SLC38A10: variants seen among roughly 807,000 people sequenced by gnomAD.
The protein encoded by SLC38A10 is solute carrier family 38 member 10.
In SLC38A10, 53 loss-of-function variants were observed where a neutral mutation model predicts 81.0. The ratio of observed to expected loss-of-function variants is 0.65; its 90% confidence interval spans 0.53 to 0.82. SLC38A10 has a LOEUF of 0.82. Ranked by LOEUF, SLC38A10 falls within the 40% of genes least tolerant of loss-of-function variation. The pLI is 0.00. For synonymous variants in SLC38A10, 665 were observed against 655.3 expected (o/e 1.01, Z -0.23); for missense variants, 1,471 against 1,545.0 (o/e 0.95, Z 0.80).
At position 81,256,370 on chromosome 17, in the gene SLC38A10, CGGAGGCCAGCACGGACGGGCGG is replaced by C. The variant is rs2062972676; in HGVS notation, c.1289-3152_1289-3131del. Among the ~76,000 whole-genome samples the C allele has an allele frequency of 1.3e-5, 2 of 152,198 alleles. 1 individual carries two copies. Among genetic ancestry groups the C allele is most frequent in the South Asian group, 4.1e-4 (2 of 4,830 alleles). Reference sequence around the variant, plus strand: ...TTCAAGGCTGGCGTCCACCCCAGACCGGAGGCCAGCACGGACGGGCGGGGAGGCCAGCGACGCTGCCGTCCGG... The same window carrying C: ...TTCAAGGCTGGCGTCCACCCCAGACCGGAGGCCAGCGACGCTGCCGTCCGG... On this transcript the variant is annotated intron_variant, in intron 11 of 15. Transcript: ENST00000374759.
chr17:81,286,785 G>A lies in SLC38A10; in HGVS notation c.218-1890C>T, dbSNP rs773367778. Among the ~76,000 whole-genome samples, 22 of 152,144 alleles carry A rather than the reference G, an allele frequency of 1.4e-4. No individual in the cohort carries two copies. The highest frequency in any genetic ancestry group is 1.3e-4 in the Admixed American group (2 of 15,266). ...AGCCTGGACCACCCAACGAAAGGAC[G>A]CGGGCAGCACTCCTGACACCGCTGC... On this transcript the variant is annotated intron_variant, in intron 2 of 15. Transcript: ENST00000374759. This position sits in a 1 kb window ranked among gnomAD's most constrained non-coding sequence, Gnocchi z 6.0.
intron 14 of SLC38A10, chr17:81,250,790 G>A (rs998547492): frequency 1.6e-5 from 16 of 981,322 alleles, no homozygotes; most frequent in Non-Finnish European, 1.8e-5. Context: ...GCTCACAGAC[G>A]GGGCTGCTGC....
rs1296447790 is a variant in SLC38A10 at position 81,247,079 on chromosome 17, ACAGT to A, written c.2066-22_2066-19del. 41 of 1,567,642 alleles carry A rather than the reference ACAGT, an allele frequency of 2.6e-5. No individual in the cohort carries two copies. Among genetic ancestry groups the A allele is most frequent in the Middle Eastern group, 1.8e-4 (1 of 5,538 alleles). On this transcript the variant is annotated intron_variant, in intron 14 of 15. Transcript: ENST00000374759. ...GCCAGCTTCTGGGTTTGGAAAGCAC[ACAGT>A]CAGAGTGCCCGGGCTGCTCATGCAC...
At chr17:81,262,624 T>C (rs990761125) in intron 10 of SLC38A10, among the ~76,000 whole-genome samples, 1 of 152,204 alleles carries the variant, frequency 6.6e-6, no homozygotes, top group Admixed American at 6.5e-5. Flanking sequence ...TACGGGATCT[T>C]GGTGAGAGTA....
rs547027433 is a variant in SLC38A10, at chr17:81,267,494, T to C, written c.1131+3424A>G. ...TTCCTTCCTTCCTCCCTCCCTCCCT[T>C]CTTTCTTTCCTTCTTTCTCCTGCTA... On this transcript the variant is annotated intron_variant, in intron 10 of 15. Transcript: ENST00000374759. Among the ~76,000 whole-genome samples the C allele has an allele frequency of 4.9e-4, 74 of 152,158 alleles. No homozygotes were observed. The South Asian group carries it at 0.014, about 29-fold the overall frequency.
At chr17:81,260,135 G>GGCC in intron 11 of SLC38A10, 103 bp downstream of exon 11, 3 of 1,412,644 alleles carry the variant, frequency 2.1e-6, no homozygotes, top group Non-Finnish European at 2.9e-6. Context: ...ACCCACACAG[G>GGCC]ACAGAGGCCA....
Position 81,289,620 on chromosome 17 carries a change from T to G in SLC38A10, c.217+71A>C. The G allele has an allele frequency of 1.0e-6, 1 of 1,002,808 alleles. No homozygotes were observed. Among genetic ancestry groups the G allele is most frequent in the Non-Finnish European group, 1.4e-6 (1 of 713,988 alleles). The allele number at this position is 1,002,808 out of a possible 1,614,324, so 62.1% of individuals were successfully genotyped here. On this transcript the variant is annotated intron_variant, in intron 2 of 15. Coordinates refer to ENST00000374759, the MANE Select transcript of SLC38A10 (RefSeq NM_001037984.3). This position sits in a 1 kb window ranked among gnomAD's most constrained non-coding sequence, Gnocchi z 5.9. ...TTCTTGAAGAATCAAGTAGAGTAAA[T>G]AAATAAATAAATAAATGGAATAAGG... is the stretch of plus-strand genomic sequence containing the variant.
At chr17:81,249,055 A>T (rs2062879755) in intron 14 of SLC38A10, among the ~76,000 whole-genome samples, 1 of 151,980 alleles carries the variant, frequency 6.6e-6, no homozygotes, top group Non-Finnish European at 1.5e-5. Context: ...TGGTACAAGG[A>T]CGAGATCCCA....
chr17:81,272,969 G>C (rs1488353503), intron 8 of SLC38A10, among the ~76,000 whole-genome samples: 2 of 152,174 alleles, frequency 1.3e-5, no homozygotes, highest in Non-Finnish European at 2.9e-5. Context: ...AGGAAGTATG[G>C]AGAGCAAAAC....
chr17:81,257,051 C>A (rs909205422), intron 11 of SLC38A10, among the ~76,000 whole-genome samples: 2 of 152,232 alleles, frequency 1.3e-5, no homozygotes, highest in African/African-American at 4.8e-5. Context: ...GGGCCACATG[C>A]TTCTCCCTTC....
Position 81,245,413 on chromosome 17 carries a change from C to T in SLC38A10, c.*143G>A, listed in dbSNP as rs564330465. 2.1e-5 allele frequency: 22 copies of T among 1,025,912 alleles called. No homozygotes were observed. The highest frequency in any genetic ancestry group is 3.1e-5 in the Non-Finnish European group (22 of 710,038). The allele number at this position is 1,025,912 out of a possible 1,614,324, so 63.6% of individuals were successfully genotyped here. ...CCACAGTGAATCTTTTATACTGTCA[C>T]TCACACTTGGTGAGGGCCTCAGACA... On this transcript the variant is annotated 3_prime_UTR_variant, in exon 16 of 16. Transcript: ENST00000374759.
In SLC38A10 at chr17:81,294,801, T is replaced by C. The variant is rs763526721; in HGVS notation, c.99+22A>G. 2.6e-6 allele frequency: 4 copies of C among 1,563,416 alleles called. No homozygotes were observed. The Admixed American group carries it at 7.4e-5, about 29-fold the overall frequency. ...TCTGCGGGGGAGGCGAGGGCGGTGA[T>C]CTCCGGGCCCACCGGACTCACCTGT... is the stretch of plus-strand genomic sequence containing the variant. On this transcript the variant is annotated intron_variant, in intron 1 of 15. Coordinates refer to ENST00000374759, the MANE Select transcript of SLC38A10 (RefSeq NM_001037984.3).
chr17:81,252,387 C>G lies in SLC38A10; in HGVS notation c.1753G>C (p.Gly585Arg). The stretch of plus-strand genomic sequence containing the variant: ...TTTGCAGGCTGGACAGCTGGCTGAC[C>G]ATCTGCTTCTGGAACTTTCTGGGGA... ...EDPQKVPEADGQPAVQPAKED... is the reference protein window; with the variant it reads ...EDPQKVPEADRQPAVQPAKED... Residue 585 changes from glycine to arginine, a missense_variant, in exon 13 of 16, where the codon GGT (glycine) becomes CGT (arginine). This residue lies in a region of SLC38A10 where 720 missense variants were observed against 827.7 expected (regional missense o/e 0.87). Transcript: ENST00000374759. 1.2e-6 allele frequency: 2 copies of G among 1,613,216 alleles called. No individual in the cohort carries two copies. Among genetic ancestry groups the G allele is most frequent in the Non-Finnish European group, 1.7e-6 (2 of 1,180,022 alleles).
rs1598394760 is a variant in SLC38A10, at chr17:81,270,924, G to A, written c.1125C>T (p.Ser375=). 1 of 1,613,898 alleles carries A rather than the reference G, an allele frequency of 6.2e-7. No individual in the cohort carries two copies. Among genetic ancestry groups the A allele is most frequent in the East Asian group, 2.2e-5 (1 of 44,882 alleles). The change falls in exon 10 of 16, where the codon TCC becomes TCT. Residue 375 remains serine (S), a synonymous_variant. Coordinates refer to ENST00000374759, the MANE Select transcript of SLC38A10 (RefSeq NM_001037984.3). The surrounding 1 kb of genome is among the most constrained non-coding windows in gnomAD (Gnocchi z 4.0). ...CCCCACGAGCAGCACGCACCTGGGA[G>A]GAAAGTGCGTTCTTGTGGATTTTCT... ...IYKKIHKNAL[S]SQVVLWVGLG...
At chr17:81,292,388 G>A (rs530077801) in intron 1 of SLC38A10, among the ~76,000 whole-genome samples, 184 of 152,088 alleles carry the variant, frequency 1.2e-3, no homozygotes, top group Non-Finnish European at 2.1e-3. Context: ...GCCTCCAAAA[G>A]TGCTGGGATT....
At chr17:81,285,786 G>T (rs777433496) in intron 2 of SLC38A10, 1 of 152,268 alleles carries the variant, frequency 6.6e-6, no homozygotes, top group Non-Finnish European at 1.5e-5. Context: ...CGGGCTACAG[G>T]CCTCTGATGA....
rs2063171012 is a variant in SLC38A10 at position 81,277,319 on chromosome 17, A to G, written c.627-186T>C. ...GTGTTGCTGAGGACAGGAGCGTTGC[A>G]GCAGCCCCCACTCAGGACACCCCCC... On this transcript the variant is annotated intron_variant, in intron 6 of 15. Transcript: ENST00000374759. The surrounding 1 kb of genome is among the most constrained non-coding windows in gnomAD (Gnocchi z 4.5). Among the ~76,000 whole-genome samples the G allele has an allele frequency of 1.3e-5, 2 of 152,212 alleles. No homozygotes were observed. The highest frequency in any genetic ancestry group is 4.1e-4 in the South Asian group (2 of 4,836).
In SLC38A10 at chr17:81,246,035, G is replaced by T; in HGVS notation, c.2881C>A (p.Leu961Met). The T allele has an allele frequency of 6.2e-7, 1 of 1,610,500 alleles. No homozygotes were observed. The highest frequency in any genetic ancestry group is 8.5e-7 in the Non-Finnish European group (1 of 1,179,492). The change falls in exon 16 of 16, where the codon CTG (leucine) becomes ATG (methionine). Residue 961 changes from leucine to methionine, a missense_variant. Leu to Met is a conservative substitution (Grantham distance 15). Transcript: ENST00000374759. ...QPQAVLRQPELRVISDGEQGG... is the reference protein window; with the variant it reads ...QPQAVLRQPEMRVISDGEQGG... ...TGCTCGCCATCAGAGATGACCCGCA[G>T]TTCCGGCTGGCGTAACACAGCCTGG...
chr17:81,258,135 C>T (rs570764619), intron 11 of SLC38A10, among the ~76,000 whole-genome samples: 3 of 152,226 alleles, frequency 2.0e-5, no homozygotes, highest in South Asian at 4.1e-4. Flanking sequence ...ATGGGATTCA[C>T]GGCCACAGCC....
Sources: gnomAD v4.1 joint callset for allele counts (sites outside exome capture counted in the v4.1 genomes callset) on GRCh38, gnomAD v4.1.1 for gene constraint, gnomAD v4.1.1 regional missense constraint, Gnocchi (gnomAD v3.1) non-coding constraint, MANE v1.5 for transcripts, NCBI Gene and HGNC (gene_info 2026-07-23, HGNC 2026-07-21) for gene names.